ATP11C: variants seen among roughly 807,000 people sequenced by gnomAD.
ATP11C encodes phospholipid-transporting ATPase IG.
ATP11C carries 36 observed loss-of-function variants against 97.4 expected under a neutral mutation model. The ratio of observed to expected loss-of-function variants is 0.37; its 90% CI spans 0.28 to 0.49. ATP11C has a LOEUF of 0.49. ATP11C is among the 20% of genes least tolerant of loss of function. The pLI is 0.98. For missense variants in ATP11C, 730 were observed against 824.6 expected, an observed-to-expected ratio of 0.89 and a Z score of 1.40; for synonymous variants, 275 against 290.9, an observed-to-expected ratio of 0.95 and a Z score of 0.56.
intron 1 of ATP11C, among the ~76,000 whole-genome samples, chrX:139,844,312 A>G (rs1176261380): frequency 8.9e-6 from 1 of 112,498 alleles, no homozygotes; most frequent in Non-Finnish European, 1.9e-5. Context: ...GTTGAATGCA[A>G]GGAGTAGCAG....
chrX:139,932,211 CCCCCCAGCCG>C lies in ATP11C; in HGVS notation c.-179_-170del. 1 of 236,508 alleles carries C rather than the reference CCCCCCAGCCG, an allele frequency of 4.2e-6. No homozygotes were observed. The highest frequency in any genetic ancestry group is 1.9e-4 in the East Asian group (1 of 5,141). The allele number at this position is 236,508 out of a possible 1,213,427, so 19.5% of individuals were successfully genotyped here. A position where few individuals can be genotyped will look rare whatever the true frequency, so the allele number is the denominator to read the frequency against. ...CCCCTCGGCTCTCCGCGCTCCCCCGCCCCCCAGCCGCCCGCAGCCTAGCCGCCGCCCCGCC... is the reference window on the plus strand; with the variant it reads ...CCCCTCGGCTCTCCGCGCTCCCCCGCCCCGCAGCCTAGCCGCCGCCCCGCC... On this transcript the variant is annotated 5_prime_UTR_variant, in exon 1 of 30. Transcript: ENST00000682941.
chrX:139,859,221 G>C (rs2084141874), intron 1 of ATP11C, among the ~76,000 whole-genome samples: 1 of 111,675 alleles, frequency 9.0e-6, no homozygotes, highest in Non-Finnish European at 1.9e-5. Context: ...AGGAGGGATG[G>C]CTCTTGGATT....
Position 139,815,470 on chromosome X carries a change from G to A in ATP11C, c.319-485C>T, listed in dbSNP as rs967494809. On this transcript the variant is annotated intron_variant, in intron 4 of 29. Coordinates refer to ENST00000682941, the MANE Select transcript of ATP11C (RefSeq NM_001353812.2). ...TCACCCACAGAGAATAATAGAAAAGGCAAGCAAGGATTGTTTTGGCAGAGA... is the reference window on the plus strand; with the variant it reads ...TCACCCACAGAGAATAATAGAAAAGACAAGCAAGGATTGTTTTGGCAGAGA... Among the ~76,000 whole-genome samples the A allele has an allele frequency of 3.6e-5, 4 of 111,534 alleles. No homozygotes were observed. In the Admixed American group the frequency reaches 3.8e-4, roughly 11 times the overall value.
intron 1 of ATP11C, among the ~76,000 whole-genome samples, chrX:139,831,897 C>T (rs2083656496): frequency 9.0e-6 from 1 of 110,607 alleles, no homozygotes; most frequent in African/African-American, 3.3e-5. Flanking sequence ...CAGAAGTTCC[C>T]TTTCACTTTC....
At chrX:139,909,597 T>C (rs1241828609) in intron 1 of ATP11C, among the ~76,000 whole-genome samples, 2 of 110,794 alleles carry the variant, frequency 1.8e-5, no homozygotes, top group East Asian at 5.7e-4. Context: ...ATATGGAAAA[T>C]CTGAAAAACA....
intron 1 of ATP11C, among the ~76,000 whole-genome samples, chrX:139,900,028 T>G (rs2084871456): frequency 9.1e-6 from 1 of 110,308 alleles, no homozygotes; most frequent in African/African-American, 3.4e-5. Flanking sequence ...AACTTGATTG[T>G]GTAGCACAAT....
Position 139,774,681 on chromosome X carries a change from C to T in ATP11C, c.2216+9G>A. 1 of 1,193,439 alleles carries T rather than the reference C, an allele frequency of 8.4e-7. No individual in the cohort carries two copies. Among genetic ancestry groups the T allele is most frequent in the South Asian group, 1.8e-5 (1 of 55,502 alleles). On this transcript the variant is annotated intron_variant, in intron 19 of 29. Transcript: ENST00000682941. ...TGTCTAAATATAAGAAACTGATGTA[C>T]TTTCTTACTTTTTAAAGCTTCTAGT...
Position 139,892,172 on chromosome X carries a change from A to T in ATP11C, c.27+39844T>A, listed in dbSNP as rs188459309. On this transcript the variant is annotated intron_variant, in intron 1 of 29. Coordinates refer to ENST00000682941, the MANE Select transcript of ATP11C (RefSeq NM_001353812.2). ...GCACCCGGCCTAGTAATAGATTTTT[A>T]AAATAAAGGTTCCAGAGAAAGAAAA... Among the ~76,000 whole-genome samples the T allele has an allele frequency of 4.9e-3, 548 of 111,446 alleles. 2 individuals are homozygous for T. The highest frequency in any genetic ancestry group is 0.017 in the African/African-American group (516 of 30,669).
intron 15 of ATP11C, among the ~76,000 whole-genome samples, chrX:139,785,537 G>C (rs943738549): frequency 7.2e-5 from 8 of 111,171 alleles, no homozygotes; most frequent in South Asian, 3.9e-4. Context: ...ATGGTAAGGA[G>C]AATGACCACA....
chrX:139,800,023 CCA>C, intron 8 of ATP11C, 35 bp downstream of exon 8: 2 of 611,456 alleles, frequency 3.3e-6, no homozygotes, highest in African/African-American at 2.3e-5. Context: ...ACCCCCCCCC[CCA>C]ACCAAAGGAC....
At chrX:139,936,773 G>C (rs1392789550), upstream of ATP11C, among the ~76,000 whole-genome samples, 1 of 111,056 alleles carries the variant, frequency 9.0e-6, no homozygotes, top group African/African-American at 3.3e-5. Flanking sequence ...ACAACCACTA[G>C]AGCATAGGAT....
intron 2 of ATP11C, 101 bp from the exon 3 acceptor site, chrX:139,819,528 T>C: frequency 8.8e-6 from 3 of 340,029 alleles, no homozygotes; most frequent in Non-Finnish European, 1.6e-5. Flanking sequence ...TAAAGTGATA[T>C]TTAGTATGTC....
chrX:139,832,325 T>C, intron 1 of ATP11C: 1 of 1,112,032 alleles, frequency 9.0e-7, no homozygotes, highest in East Asian at 3.3e-5. Flanking sequence ...CAATTATGGC[T>C]TGCCTAGTTC....
intron 2 of ATP11C, among the ~76,000 whole-genome samples, chrX:139,824,618 C>T (rs1196525360): frequency 1.8e-5 from 2 of 111,128 alleles, no homozygotes; most frequent in African/African-American, 3.3e-5. Flanking sequence ...ACCCAGGAGG[C>T]GGGGCTTGCA....
At chrX:139,883,783 T>C (rs1054888144) in intron 1 of ATP11C, among the ~76,000 whole-genome samples, 1 of 111,051 alleles carries the variant, frequency 9.0e-6, no homozygotes, top group African/African-American at 3.3e-5. Context: ...TTGGGGAAAA[T>C]AGACAAATCG....
At chrX:139,918,799 G>A (rs1323343724) in intron 1 of ATP11C, among the ~76,000 whole-genome samples, 1 of 111,351 alleles carries the variant, frequency 9.0e-6, no homozygotes, top group Admixed American at 9.6e-5. Context: ...CATGAAGTGG[G>A]GGAGCTGTTG....
At chrX:139,869,162 T>C (rs981259940) in intron 1 of ATP11C, among the ~76,000 whole-genome samples, 1 of 112,200 alleles carries the variant, frequency 8.9e-6, no homozygotes, top group Admixed American at 9.5e-5. Context: ...AAGACATATC[T>C]GTACTTCCAT....
chrX:139,786,920 C>G (rs994117788), intron 15 of ATP11C, among the ~76,000 whole-genome samples: 5 of 112,118 alleles, frequency 4.5e-5, no homozygotes, highest in Non-Finnish European at 9.4e-5. Context: ...ATTTGAGAAA[C>G]ATTCCAGGCA....
intron 22 of ATP11C, among the ~76,000 whole-genome samples, chrX:139,760,397 T>A (rs1188922778): frequency 9.1e-6 from 1 of 109,986 alleles, no homozygotes; most frequent in African/African-American, 3.5e-5. Context: ...GAAACTGGGT[T>A]CATAGTTTTA....
Sources: allele counts gnomAD v4.1 joint callset (sites outside exome capture counted in the v4.1 genomes callset), GRCh38; gene constraint gnomAD v4.1.1; transcripts MANE v1.5; gene names NCBI Gene and HGNC (gene_info 2026-07-23, HGNC 2026-07-21).